TUSC3: variants seen among roughly 807,000 people sequenced by gnomAD.
TUSC3 encodes the protein dolichyl-diphosphooligosaccharide--protein glycosyltransferase subunit TUSC3.
In TUSC3, 45 loss-of-function variants were observed where a neutral mutation model predicts 44.8. The ratio of observed to expected loss-of-function variants is 1.00; its 90% CI spans 0.79 to 1.29. The LOEUF (loss-of-function observed/expected upper bound fraction) is 1.29. Among genes scored for constraint, TUSC3 ranks in the 50% most tolerant of loss-of-function variants. The pLI is 0.00. For synonymous variants in TUSC3, 212 were observed against 152.9 expected, an observed-to-expected ratio of 1.39 and a Z score of -2.85; for missense variants, 519 against 437.9, an observed-to-expected ratio of 1.19 and a Z score of -1.65.
intron 5 of TUSC3, among the ~76,000 whole-genome samples, chr8:15,671,401 A>T (rs532465364): frequency 6.6e-6 from 1 of 152,178 alleles, no homozygotes; most frequent in African/African-American, 2.4e-5. Context: ...GTGACATATC[A>T]GTTGTTAACA....
At chr8:15,439,002 A>T (rs1799988322) in intron 1 of TUSC3, among the ~76,000 whole-genome samples, 1 of 152,136 alleles carries the variant, frequency 6.6e-6, no homozygotes, top group Non-Finnish European at 1.5e-5. Flanking sequence ...GGTCGAGGCA[A>T]TCTATACCCT....
chr8:15,491,960 C>G (rs1318466736), intron 2 of TUSC3, among the ~76,000 whole-genome samples: 2 of 152,248 alleles, frequency 1.3e-5, no homozygotes, highest in Non-Finnish European at 2.9e-5. Flanking sequence ...CTACTTCCAT[C>G]TAACTACTTA....
In TUSC3 at chr8:15,502,542, G is replaced by C. The variant is rs1585067885; in HGVS notation, n.189+19059G>C. Reference sequence around the variant, plus strand: ...GTCTCGCTCTGTCGCCTGGGCTGGAGTGCAGTGGCGCGATCTCCGCTCACT... The same window carrying C: ...GTCTCGCTCTGTCGCCTGGGCTGGACTGCAGTGGCGCGATCTCCGCTCACT... On this transcript the variant is annotated intron_variant and non_coding_transcript_variant, in intron 2 of 5. Transcript: ENST00000503191. 2.6e-5 allele frequency among the ~76,000 whole-genome samples: 4 copies of C among 152,202 alleles called. No homozygotes were observed. In the East Asian group the frequency reaches 7.7e-4, roughly 29 times the overall value.
At chr8:15,567,120 C>T (rs1025793870) in intron 1 of TUSC3, among the ~76,000 whole-genome samples, 3 of 152,088 alleles carry the variant, frequency 2.0e-5, no homozygotes, top group Admixed American at 6.6e-5. Flanking sequence ...ACAGTACTTT[C>T]GGCAGTTAAG....
chr8:15,477,128 G>T (rs1223028248), intron 1 of TUSC3, among the ~76,000 whole-genome samples: 2 of 152,180 alleles, frequency 1.3e-5, no homozygotes, highest in African/African-American at 4.8e-5. Flanking sequence ...GGTGTGGAAA[G>T]TTGGGGAGTT....
chr8:15,628,601 A>G (rs1460196609), intron 2 of TUSC3, among the ~76,000 whole-genome samples: 2 of 152,204 alleles, frequency 1.3e-5, no homozygotes, highest in African/African-American at 2.4e-5. Context: ...TATTGTGCAA[A>G]GCAGTATAGA....
intron 5 of TUSC3, among the ~76,000 whole-genome samples, chr8:15,670,472 C>T (rs1166552073): frequency 1.3e-5 from 2 of 151,654 alleles, no homozygotes; most frequent in African/African-American, 2.4e-5. Context: ...ATAAATATTG[C>T]CGAGCCAACT....
chr8:15,725,515 G>T (rs756779187), intron 6 of TUSC3, among the ~76,000 whole-genome samples: 1 of 152,126 alleles, frequency 6.6e-6, no homozygotes, highest in South Asian at 2.1e-4. Flanking sequence ...TTAACAGTGG[G>T]CATCAACCAG....
chr8:15,672,774 T>C (rs1469803553), intron 5 of TUSC3, among the ~76,000 whole-genome samples: 1 of 152,096 alleles, frequency 6.6e-6, no homozygotes, highest in Non-Finnish European at 1.5e-5. Flanking sequence ...TCTTCCCTTT[T>C]GTATCCTTGT....
chr8:15,533,516 C>T (rs1189395672), intron 2 of TUSC3, among the ~76,000 whole-genome samples: 2 of 152,150 alleles, frequency 1.3e-5, no homozygotes, highest in Non-Finnish European at 2.9e-5. Flanking sequence ...GGGTAAAGAT[C>T]TTAAGGTCTA....
At chr8:15,768,283 C>G (rs540176286), downstream of TUSC3, among the ~76,000 whole-genome samples, 2 of 152,250 alleles carry the variant, frequency 1.3e-5, no homozygotes, top group South Asian at 4.1e-4. Flanking sequence ...AAACAAATCA[C>G]TGCTACATAA....
chr8:15,514,415 G>A (rs75953783), intron 2 of TUSC3, among the ~76,000 whole-genome samples: 1,655 of 152,174 alleles, frequency 0.011, 35 homozygotes, highest in African/African-American at 0.038. Context: ...TGATTACAAA[G>A]CATATAAAAT....
chr8:15,435,283 C>T (rs1799931754), intron 1 of TUSC3, among the ~76,000 whole-genome samples: 1 of 152,138 alleles, frequency 6.6e-6, no homozygotes, highest in African/African-American at 2.4e-5. Flanking sequence ...TCTCTGGTGG[C>T]CAGTGATGAT....
At chr8:15,539,212 T>C (rs948858121), upstream of TUSC3, among the ~76,000 whole-genome samples, 1 of 151,914 alleles carries the variant, frequency 6.6e-6, no homozygotes, top group African/African-American at 2.4e-5. Flanking sequence ...CGTCTACAGG[T>C]TTTATCACAT....
intron 1 of TUSC3, among the ~76,000 whole-genome samples, chr8:15,561,319 G>C (rs934756762): frequency 6.8e-6 from 1 of 146,460 alleles, no homozygotes; most frequent in African/African-American, 2.5e-5. Flanking sequence ...GCTGCTAGGA[G>C]GTCAGGGGTC....
chr8:15,571,808 C>A (rs947258467), intron 1 of TUSC3, among the ~76,000 whole-genome samples: 2 of 152,172 alleles, frequency 1.3e-5, no homozygotes, highest in Non-Finnish European at 2.9e-5. Context: ...CTTTCTCCAT[C>A]AGAGCTTTTG....
chr8:15,673,669 A>G (rs1808056041), intron 5 of TUSC3, 78 bp from the exon 6 acceptor site: 7 of 1,194,014 alleles, frequency 5.9e-6, no homozygotes, highest in Middle Eastern at 1.9e-4. Flanking sequence ...TACTTTCATG[A>G]TGACCATTGT....
intron 1 of TUSC3, among the ~76,000 whole-genome samples, chr8:15,450,453 A>G (rs968201236): frequency 1.3e-5 from 2 of 152,168 alleles, no homozygotes; most frequent in African/African-American, 4.8e-5. Context: ...GGGGAGACCA[A>G]GGCAGGCAGA....
At chr8:15,747,663 C>T (rs1028949710) in intron 8 of TUSC3, among the ~76,000 whole-genome samples, 1 of 152,034 alleles carries the variant, frequency 6.6e-6, no homozygotes, top group Non-Finnish European at 1.5e-5. Flanking sequence ...AAATAAAGTA[C>T]TGCTCGTATT....
Sources: gnomAD v4.1 joint callset for allele counts (sites outside exome capture counted in the v4.1 genomes callset) on GRCh38, gnomAD v4.1.1 for gene constraint, MANE v1.5 for transcripts, NCBI Gene and HGNC (gene_info 2026-07-23, HGNC 2026-07-21) for gene names.